Variants in ARHGEF38 observed in about 807,000 individuals in gnomAD.
ARHGEF38 encodes the protein Rho guanine nucleotide exchange factor 38.
In ARHGEF38, 79 loss-of-function variants were observed where a neutral mutation model predicts 79.9. The observed-to-expected ratio is 0.99, with a 90% CI of 0.82 to 1.19. The LOEUF is 1.19. ARHGEF38 is among the 50% of genes most tolerant of loss of function. The pLI is 0.00. For missense variants in ARHGEF38, 962 were observed against 907.2 expected (o/e 1.06, Z -0.78); for synonymous variants, 366 against 328.3 (o/e 1.11, Z -1.24).
Position 105,677,850 on chromosome 4 carries a change from T to G in ARHGEF38, c.2247T>G (p.Ser749Arg). The change falls in exon 14 of 14, where the codon AGT becomes AGG. Residue 749 changes from serine to arginine, a missense_variant. Ser to Arg is a moderately radical substitution (Grantham distance 110, BLOSUM62 -1). Coordinates refer to ENST00000420470, the MANE Select transcript of ARHGEF38 (RefSeq NM_001242729.2). ...ATATACTCAGGTTTTGTGACCTAAG[T>G]GGCAATAAAGAGTGGTGGTTAGCTG... Reference protein sequence around the residue: ...RVHILRFCDLSGNKEWWLAEA... With the variant: ...RVHILRFCDLRGNKEWWLAEA... The G allele has an allele frequency of 3.3e-6, 5 of 1,535,588 alleles. No individual in the cohort carries two copies. Among genetic ancestry groups the G allele is most frequent in the Non-Finnish European group, 4.4e-6 (5 of 1,146,462 alleles).
intron 2 of ARHGEF38, among the ~76,000 whole-genome samples, chr4:105,595,136 C>T (rs1019059996): frequency 8.5e-5 from 13 of 152,108 alleles, no homozygotes; most frequent in African/African-American, 2.9e-4. Flanking sequence ...TACCAAAGAT[C>T]TCAAGGGGGC....
intron 2 of ARHGEF38, among the ~76,000 whole-genome samples, chr4:105,596,850 A>G (rs1330195986): frequency 2.0e-5 from 3 of 152,184 alleles, no homozygotes; most frequent in Non-Finnish European, 4.4e-5. Context: ...TTCTACCTCT[A>G]TATCCAGCCC....
At chr4:105,587,258 C>T (rs2110452375) in intron 1 of ARHGEF38, among the ~76,000 whole-genome samples, 1 of 152,222 alleles carries the variant, frequency 6.6e-6, no homozygotes, top group Middle Eastern at 3.4e-3. Context: ...CAGTGAGCTG[C>T]AATTGCACCA....
intron 1 of ARHGEF38, among the ~76,000 whole-genome samples, chr4:105,579,464 C>T (rs1401104621): frequency 6.6e-6 from 1 of 152,088 alleles, no homozygotes; most frequent in Non-Finnish European, 1.5e-5. Context: ...GTATCAAAAG[C>T]CTTTTCTGCA....
intron 8 of ARHGEF38, among the ~76,000 whole-genome samples, chr4:105,654,922 C>T (rs28522828): frequency 0.011 from 1,618 of 152,194 alleles, 36 homozygotes; most frequent in African/African-American, 0.037. Flanking sequence ...CTTAGATATC[C>T]GTTTCTGGAA....
chr4:105,589,138 T>C (rs773017828), intron 1 of ARHGEF38, 110 bp from the exon 2 acceptor site: 117 of 785,632 alleles, frequency 1.5e-4, no homozygotes, highest in Non-Finnish European at 2.2e-4. Context: ...ATCATGAGGA[T>C]ACCTTCAGCC....
intron 1 of ARHGEF38, among the ~76,000 whole-genome samples, chr4:105,572,184 C>CCAAATT (rs70938198): frequency 0.97 from 147,666 of 152,100 alleles, 71,683 homozygotes; most frequent in East Asian, 1. Context: ...GCCTTGCACT[C>CCAAATT]CAAATAAAAA....
chr4:105,678,093 G>A lies in ARHGEF38; in HGVS notation c.*156G>A. On this transcript the variant is annotated 3_prime_UTR_variant, in exon 14 of 14. Transcript: ENST00000420470. ...TCAGGAATACTGTACTTCCTAACAG[G>A]ATTATTGCATGAATGTATTATAAAG... The A allele has an allele frequency of 1.9e-6, 1 of 521,568 alleles. No homozygotes were observed. 32.3% of individuals were successfully genotyped at this position (521,568 alleles called of 1,614,324 possible).
At chr4:105,586,906 C>A (rs190772003) in intron 1 of ARHGEF38, among the ~76,000 whole-genome samples, 1 of 150,378 alleles carries the variant, frequency 6.6e-6, no homozygotes, top group Non-Finnish European at 1.5e-5. Context: ...CTCAGTCTCC[C>A]CCACCCCCAC....
chr4:105,618,607 C>T (rs1026943019), intron 3 of ARHGEF38, among the ~76,000 whole-genome samples: 2 of 151,754 alleles, frequency 1.3e-5, no homozygotes, highest in East Asian at 1.9e-4. Flanking sequence ...GGTGACAGAG[C>T]GAGACTCCAT....
At chr4:105,558,841 A>G (rs537414851) in intron 1 of ARHGEF38, among the ~76,000 whole-genome samples, 1 of 151,130 alleles carries the variant, frequency 6.6e-6, no homozygotes, top group South Asian at 2.1e-4. Context: ...TATAAAAATT[A>G]TGGGTTTATC....
chr4:105,559,586 A>G (rs1318539977), intron 1 of ARHGEF38, among the ~76,000 whole-genome samples: 2 of 152,148 alleles, frequency 1.3e-5, no homozygotes, highest in African/African-American at 4.8e-5. Flanking sequence ...CTAAATTAGA[A>G]GTTGGCCTTT....
chr4:105,677,724 C>A, intron 13 of ARHGEF38, 28 bp from the exon 14 acceptor site: 1 of 1,385,142 alleles, frequency 7.2e-7, no homozygotes. Flanking sequence ...GTTCCAATTC[C>A]AATAATGTCT....
At chr4:105,566,102 C>A (rs899863182) in intron 1 of ARHGEF38, among the ~76,000 whole-genome samples, 2 of 152,086 alleles carry the variant, frequency 1.3e-5, no homozygotes, top group Non-Finnish European at 2.9e-5. Flanking sequence ...TAATCATGTC[C>A]CTCATTTATT....
rs139388068 is a variant in ARHGEF38 at position 105,658,027 on chromosome 4, A to T, written c.1234-1027A>T. On this transcript the variant is annotated intron_variant, in intron 9 of 13. Transcript: ENST00000420470. The stretch of plus-strand genomic sequence containing the variant: ...ACAGAAGAGAAATAGAAGAAATTAA[A>T]TCTAGGATGATCAGGTTATGTCATG... 3.6e-3 allele frequency among the ~76,000 whole-genome samples: 554 copies of T among 152,334 alleles called. 1 individual carries two copies. Among genetic ancestry groups the T allele is most frequent in the African/African-American group, 0.013 (534 of 41,580 alleles).
At chr4:105,602,450 GA>G (rs982956151) in intron 2 of ARHGEF38, among the ~76,000 whole-genome samples, 4 of 152,228 alleles carry the variant, frequency 2.6e-5, no homozygotes, top group South Asian at 2.1e-4. Context: ...CTGATTTGGG[GA>G]AATAGGAAAT....
At chr4:105,572,678 T>G (rs1288645645) in intron 1 of ARHGEF38, among the ~76,000 whole-genome samples, 1 of 152,230 alleles carries the variant, frequency 6.6e-6, no homozygotes, top group Non-Finnish European at 1.5e-5. Context: ...TGCCATAATG[T>G]CCTCAAGGTT....
chr4:105,608,223 A>G (rs1339203452), intron 2 of ARHGEF38, among the ~76,000 whole-genome samples: 1 of 152,058 alleles, frequency 6.6e-6, no homozygotes. Flanking sequence ...ATCCTCACCA[A>G]TACTTGTTTT....
intron 2 of ARHGEF38, among the ~76,000 whole-genome samples, chr4:105,610,534 T>C (rs537104262): frequency 1.3e-5 from 2 of 152,208 alleles, no homozygotes; most frequent in East Asian, 1.9e-4. Context: ...TATAAATACA[T>C]GCTTCCTTGA....
Sources: gnomAD v4.1 joint callset for allele counts (sites outside exome capture counted in the v4.1 genomes callset) on GRCh38, gnomAD v4.1.1 for gene constraint, MANE v1.5 for transcripts, NCBI Gene and HGNC (gene_info 2026-07-23, HGNC 2026-07-21) for gene names.